The following CNTN5 variants were observed in gnomAD, a reference collection of about 807,000 sequenced individuals.
The protein encoded by CNTN5 is contactin 5.
CNTN5 carries 77 observed loss-of-function variants against 129.1 expected under a neutral mutation model. The observed-to-expected ratio is 0.60, with a 90% CI of 0.50 to 0.72. The LOEUF (loss-of-function observed/expected upper bound fraction) is 0.72. Among genes scored for constraint, CNTN5 ranks in the 30% least tolerant of loss-of-function variants. The pLI is 0.00. For missense variants in CNTN5, 1,478 were observed against 1,328.8 expected (o/e 1.11, Z -1.75); for synonymous variants, 509 against 465.6 (o/e 1.09, Z -1.20).
intron 1 of CNTN5, among the ~76,000 whole-genome samples, chr11:99,170,124 TA>T (rs1288243392): frequency 6.6e-6 from 1 of 152,184 alleles, no homozygotes; most frequent in African/African-American, 2.4e-5. Context: ...TTTATCAATA[TA>T]TTATAGGTTA....
chr11:100,151,848 C>A (rs1404342103), intron 13 of CNTN5, among the ~76,000 whole-genome samples: 1 of 152,086 alleles, frequency 6.6e-6, no homozygotes, highest in Non-Finnish European at 1.5e-5. Flanking sequence ...GGTTTAGGTG[C>A]CTCTTAGCTT....
intron 2 of CNTN5, among the ~76,000 whole-genome samples, chr11:99,421,221 C>T (rs781260416): frequency 6.6e-6 from 1 of 150,936 alleles, no homozygotes; most frequent in African/African-American, 2.4e-5. Flanking sequence ...GATACATGGG[C>T]GGACAACATA....
At chr11:100,172,627 G>A (rs1260474538) in intron 13 of CNTN5, among the ~76,000 whole-genome samples, 1 of 152,006 alleles carries the variant, frequency 6.6e-6, no homozygotes, top group East Asian at 1.9e-4. Flanking sequence ...ATGAGACTTG[G>A]AAGCAGGAAA....
intron 2 of CNTN5, among the ~76,000 whole-genome samples, chr11:99,355,287 A>G (rs561300330): frequency 6.6e-6 from 1 of 152,330 alleles, no homozygotes; most frequent in East Asian, 1.9e-4. Flanking sequence ...TTTCAATAGC[A>G]TATTGTTAGC....
chr11:100,150,477 A>G (rs1394331650), intron 13 of CNTN5, among the ~76,000 whole-genome samples: 1 of 151,992 alleles, frequency 6.6e-6, no homozygotes, highest in African/African-American at 2.4e-5. Flanking sequence ...TGGCCTTTAA[A>G]CAGAATGATT....
chr11:99,172,873 G>A (rs1233514462), intron 1 of CNTN5, among the ~76,000 whole-genome samples: 3 of 152,148 alleles, frequency 2.0e-5, no homozygotes, highest in African/African-American at 4.8e-5. Context: ...TGAGATTTAA[G>A]TATAATTCTT....
At position 99,258,283 on chromosome 11, in the gene CNTN5, C is replaced by G. The variant is rs1862470529; in HGVS notation, c.-209-67063C>G. Among the ~76,000 whole-genome samples, 3 of 151,976 alleles carry G rather than the reference C, an allele frequency of 2.0e-5. No homozygotes were observed. The South Asian group carries it at 6.2e-4, about 32-fold the overall frequency. On this transcript the variant is annotated intron_variant, in intron 1 of 24. Transcript: ENST00000524871. ...AGCCTAGTACCCATTAGTTATTTTT[C>G]CTGATCCTCACCCTCCTCCCACCTT...
In CNTN5 at chr11:99,421,597, G is replaced by A. The variant is rs191112888; in HGVS notation, c.-71+96113G>A. Among the ~76,000 whole-genome samples, 6 of 152,244 alleles carry A rather than the reference G, an allele frequency of 3.9e-5. No homozygotes were observed. In the East Asian group the frequency reaches 1.2e-3, roughly 29 times the overall value. On this transcript the variant is annotated intron_variant, in intron 2 of 24. Transcript: ENST00000524871. ...GACATTGACTTATGACAATCTTGAT[G>A]TTTGAAAACAATTTGCCATTTTATG... is the stretch of plus-strand genomic sequence containing the variant.
At chr11:100,269,100 G>C (rs1328361233) in intron 17 of CNTN5, among the ~76,000 whole-genome samples, 1 of 152,204 alleles carries the variant, frequency 6.6e-6, no homozygotes, top group Non-Finnish European at 1.5e-5. Flanking sequence ...ATCAGCAATG[G>C]AGACTGATAA....
At chr11:99,367,978 A>G (rs1939562177) in intron 2 of CNTN5, among the ~76,000 whole-genome samples, 1 of 152,128 alleles carries the variant, frequency 6.6e-6, no homozygotes, top group Non-Finnish European at 1.5e-5. Flanking sequence ...AATTTTCTGA[A>G]TACCTCTGTT....
At chr11:99,484,078 G>T (rs993908615) in intron 2 of CNTN5, among the ~76,000 whole-genome samples, 1 of 151,618 alleles carries the variant, frequency 6.6e-6, no homozygotes, top group East Asian at 1.9e-4. Context: ...ACTAAAAAAC[G>T]TCTACACAAC....
intron 13 of CNTN5, among the ~76,000 whole-genome samples, chr11:100,119,769 A>G (rs958575804): frequency 4.6e-5 from 7 of 151,810 alleles, no homozygotes; most frequent in South Asian, 2.1e-4. Context: ...TTTATTTCCA[A>G]ATTTTATCTC....
chr11:99,686,271 T>G (rs971950744), intron 3 of CNTN5, among the ~76,000 whole-genome samples: 1 of 152,158 alleles, frequency 6.6e-6, no homozygotes, highest in Non-Finnish European at 1.5e-5. Flanking sequence ...AGAGTCATTT[T>G]TATTCTGTTG....
intron 16 of CNTN5, chr11:100,225,497 T>C (rs927135032): frequency 6.6e-6 from 1 of 151,926 alleles, no homozygotes; most frequent in Non-Finnish European, 1.5e-5. Context: ...TCCTTCTTTC[T>C]TCCCTGCCTC....
intron 8 of CNTN5, among the ~76,000 whole-genome samples, chr11:99,958,158 T>C (rs565014058): frequency 4.9e-4 from 75 of 152,246 alleles, no homozygotes; most frequent in African/African-American, 1.8e-3. Flanking sequence ...GAAAAAAGAA[T>C]GCTGACTTGG....
At chr11:99,841,020 C>G (rs1339330653) in intron 4 of CNTN5, among the ~76,000 whole-genome samples, 1 of 152,082 alleles carries the variant, frequency 6.6e-6, no homozygotes, top group Non-Finnish European at 1.5e-5. Context: ...TTTCTTTTCC[C>G]CCCCTTAACA....
chr11:100,295,829 A>C (rs1951089360), intron 18 of CNTN5, among the ~76,000 whole-genome samples: 1 of 151,462 alleles, frequency 6.6e-6, no homozygotes, highest in Non-Finnish European at 1.5e-5. Flanking sequence ...AGTCCAATTT[A>C]ATAGACAAAG....
chr11:100,170,877 G>A (rs762913992), intron 13 of CNTN5, among the ~76,000 whole-genome samples: 3 of 141,722 alleles, frequency 2.1e-5, no homozygotes, highest in Admixed American at 7.2e-5. Context: ...ATTATAGAAG[G>A]TATCCTGAAA....
intron 2 of CNTN5, among the ~76,000 whole-genome samples, chr11:99,359,822 A>G (rs1007174047): frequency 6.6e-6 from 1 of 152,052 alleles, no homozygotes; most frequent in Non-Finnish European, 1.5e-5. Flanking sequence ...AGCATACAAC[A>G]GACATTCTAT....
Sources: gnomAD v4.1 joint callset for allele counts (sites outside exome capture counted in the v4.1 genomes callset) on GRCh38, gnomAD v4.1.1 for gene constraint, MANE v1.5 for transcripts, NCBI Gene and HGNC (gene_info 2026-07-23, HGNC 2026-07-21) for gene names.